The following TASP1 variants were observed in gnomAD, a reference collection of about 807,000 sequenced individuals.
TASP1 encodes the protein threonine aspartase 1.
Under a neutral mutation model 56.6 loss-of-function variants are expected in TASP1, and 16 were observed. The ratio of observed to expected loss-of-function variants is 0.28; its 90% CI spans 0.19 to 0.43. TASP1 has a LOEUF of 0.43. Ranked by LOEUF, TASP1 falls within the 20% of genes least tolerant of loss-of-function variation. The probability of loss-of-function intolerance (pLI) is 1.00; values close to 1 mark genes in which losing one functional copy is unlikely to be tolerated. For missense variants in TASP1, 393 were observed against 511.6 expected, an observed-to-expected ratio of 0.77 and a Z score of 2.24; for synonymous variants, 179 against 184.2, an observed-to-expected ratio of 0.97 and a Z score of 0.23.
chr20:13,238,955 C>CTCACTGGTA, the TASP1 span: 2 of 152,236 alleles, frequency 1.3e-5, no homozygotes, highest in Admixed American at 1.3e-4. Flanking sequence ...CTCTGCTCCC[C>CTCACTGGTA]TCACTGGTAC....
the TASP1 span, among the ~76,000 whole-genome samples, chr20:13,144,492 A>T: frequency 1.3e-3 from 191 of 152,350 alleles, no homozygotes; most frequent in Non-Finnish European, 1.1e-3. Context: ...TGACTTGCTC[A>T]TCTCTATAGA....
the TASP1 span, among the ~76,000 whole-genome samples, chr20:13,130,598 G>T: frequency 6.6e-6 from 1 of 152,358 alleles, no homozygotes; most frequent in Non-Finnish European, 1.5e-5. Flanking sequence ...CCTTCACTCT[G>T]CAGCCAGGCT....
the TASP1 span, among the ~76,000 whole-genome samples, chr20:13,108,967 A>G: frequency 1.3e-5 from 2 of 152,230 alleles, no homozygotes; most frequent in Non-Finnish European, 2.9e-5. Flanking sequence ...TCTTCTCAAA[A>G]AAGGGAAAGC....
At chr20:13,267,048 T>C in the TASP1 span, among the ~76,000 whole-genome samples, 134 of 152,364 alleles carry the variant, frequency 8.8e-4, no homozygotes, top group African/African-American at 3.2e-3. Context: ...ACTAAAATAA[T>C]GGCTACTCTC....
the TASP1 span, among the ~76,000 whole-genome samples, chr20:13,218,246 C>CA: frequency 0.037 from 2,690 of 72,398 alleles, 41 homozygotes; most frequent in African/African-American, 0.068. Context: ...GTGACTCTGT[C>CA]AAAAAAAAAA....
the TASP1 span, among the ~76,000 whole-genome samples, chr20:13,233,920 A>G: frequency 6.6e-6 from 1 of 152,222 alleles, no homozygotes; most frequent in African/African-American, 2.4e-5. Context: ...TTATAAAATA[A>G]GAGTTTTAAG....
chr20:13,203,630 A>G, the TASP1 span, among the ~76,000 whole-genome samples: 1 of 152,234 alleles, frequency 6.6e-6, no homozygotes. Flanking sequence ...TAGTTTGGTT[A>G]ACATGGTCAA....
chr20:13,576,228 G>T (rs2046903453), intron 6 of TASP1, among the ~76,000 whole-genome samples: 1 of 146,146 alleles, frequency 6.8e-6, no homozygotes, highest in African/African-American at 2.5e-5. Flanking sequence ...GGGAGGGGAG[G>T]GGAGGGGAGC....
At chr20:13,340,999 T>C in the TASP1 span, among the ~76,000 whole-genome samples, 11 of 152,216 alleles carry the variant, frequency 7.2e-5, no homozygotes, top group Non-Finnish European at 1.5e-4. Flanking sequence ...CTTTCAGTAA[T>C]ATTATGTGCT....
intron 8 of TASP1, among the ~76,000 whole-genome samples, chr20:13,544,376 T>A (rs1177100811): frequency 6.6e-6 from 1 of 152,248 alleles, no homozygotes; most frequent in Non-Finnish European, 1.5e-5. Context: ...ACTTTAGCTC[T>A]AACTTTGTTT....
intron 2 of TASP1, among the ~76,000 whole-genome samples, chr20:13,626,176 G>A (rs756546417): frequency 1.3e-5 from 2 of 152,172 alleles, no homozygotes; most frequent in Non-Finnish European, 1.5e-5. Context: ...TGCAATCCCA[G>A]CACTTTGGGA....
At chr20:13,163,271 G>A in the TASP1 span, among the ~76,000 whole-genome samples, 1 of 151,018 alleles carries the variant, frequency 6.6e-6, no homozygotes, top group African/African-American at 2.4e-5. Context: ...GAACTGCTGA[G>A]GCAGGAGAAT....
chr20:13,434,622 C>T (rs1030045285), intron 12 of TASP1, among the ~76,000 whole-genome samples: 1 of 152,112 alleles, frequency 6.6e-6, no homozygotes, highest in Non-Finnish European at 1.5e-5. Context: ...TAACGAGCCA[C>T]GGAGCCAGGA....
chr20:13,396,949 A>G (rs2041564007), intron 13 of TASP1, among the ~76,000 whole-genome samples: 1 of 152,254 alleles, frequency 6.6e-6, no homozygotes, highest in Non-Finnish European at 1.5e-5. Context: ...TGATGAGAAC[A>G]GCATATTCTT....
the TASP1 span, among the ~76,000 whole-genome samples, chr20:13,310,404 C>T: frequency 1.3e-5 from 2 of 152,048 alleles, no homozygotes; most frequent in Non-Finnish European, 2.9e-5. Context: ...TCTTATCTCA[C>T]CCCACATATA....
chr20:13,445,077 G>C lies in TASP1; in HGVS notation c.986-9923C>G, dbSNP rs145657110. On this transcript the variant is annotated intron_variant, in intron 11 of 13. Transcript: ENST00000337743. ...CTTATCTAACAAAATTTAAAAGATA[G>C]GAAGAGTCACCTTATTTCAGAACAG... Among the ~76,000 whole-genome samples the C allele has an allele frequency of 3.5e-3, 530 of 152,178 alleles. 3 individuals are homozygous for C. The highest frequency in any genetic ancestry group is 5.7e-3 in the Non-Finnish European group (388 of 67,998).
chr20:13,545,069 A>T (rs761135005), intron 8 of TASP1, among the ~76,000 whole-genome samples: 10 of 152,176 alleles, frequency 6.6e-5, no homozygotes, highest in Non-Finnish European at 1.5e-4. Context: ...CATATCACCA[A>T]ATGGCCATAT....
At chr20:13,317,522 T>C in the TASP1 span, among the ~76,000 whole-genome samples, 1 of 152,042 alleles carries the variant, frequency 6.6e-6, no homozygotes, top group African/African-American at 2.4e-5. Context: ...AAACGACTCA[T>C]ACTACCTGAC....
the TASP1 span, among the ~76,000 whole-genome samples, chr20:13,344,274 T>TGC: frequency 6.6e-6 from 1 of 151,864 alleles, no homozygotes; most frequent in Non-Finnish European, 1.5e-5. Context: ...TATCTATATT[T>TGC]GCGCACACAC....
Sources: allele counts gnomAD v4.1 joint callset (sites outside exome capture counted in the v4.1 genomes callset), GRCh38; gene constraint gnomAD v4.1.1; transcripts MANE v1.5; gene names NCBI Gene and HGNC (gene_info 2026-07-23, HGNC 2026-07-21).